Variants in MARCHF7 observed in about 807,000 individuals in gnomAD.
MARCHF7 encodes E3 ubiquitin-protein ligase MARCHF7.
MARCHF7 carries 20 observed loss-of-function variants against 76.5 expected under a neutral mutation model. The observed-to-expected ratio is 0.26, with a 90% CI of 0.18 to 0.38. The LOEUF is 0.38. Ranked by LOEUF, MARCHF7 falls within the 10% of genes least tolerant of loss-of-function variation. MARCHF7 has a pLI of 1.00. For synonymous variants in MARCHF7, 295 were observed against 293.0 expected (o/e 1.01, Z -0.07); for missense variants, 797 against 812.9 (o/e 0.98, Z 0.24).
Position 159,725,960 on chromosome 2 carries a change from T to C in MARCHF7, c.-14-3049T>C, listed in dbSNP as rs755496835. Among the ~76,000 whole-genome samples the C allele has an allele frequency of 1.3e-4, 20 of 152,198 alleles. 1 individual carries two copies. Among genetic ancestry groups the C allele is most frequent in the Non-Finnish European group, 1.8e-4 (12 of 68,032 alleles). ...CCAAGAGTAGAATCCCTTAGTCTCC[T>C]GACAGCATTGTAGAAACATGACCAC... On this transcript the variant is annotated intron_variant, in intron 3 of 11. Coordinates refer to ENST00000409175, the MANE Select transcript of MARCHF7 (RefSeq NM_001282805.2).
intron 4 of MARCHF7, among the ~76,000 whole-genome samples, chr2:159,729,554 T>C (rs1352502765): frequency 1.3e-5 from 2 of 151,922 alleles, no homozygotes; most frequent in East Asian, 3.9e-4. Context: ...ACACCTGTAA[T>C]CCCAGCTACT....
intron 9 of MARCHF7, among the ~76,000 whole-genome samples, chr2:159,761,873 A>G (rs1053812187): frequency 1.3e-5 from 2 of 152,186 alleles, no homozygotes; most frequent in African/African-American, 2.4e-5. Flanking sequence ...TAATAATACT[A>G]TATTTATGAT....
At chr2:159,754,640 A>T (rs1706065375) in intron 8 of MARCHF7, among the ~76,000 whole-genome samples, 1 of 152,140 alleles carries the variant, frequency 6.6e-6, no homozygotes, top group Non-Finnish European at 1.5e-5. Flanking sequence ...TGAGACTTCT[A>T]ACAGAAAAAA....
At chr2:159,713,700 ATAT>A (rs1476043585) in intron 1 of MARCHF7, among the ~76,000 whole-genome samples, 5 of 152,182 alleles carry the variant, frequency 3.3e-5, no homozygotes, top group Non-Finnish European at 7.4e-5. Flanking sequence ...GGTCAGTATA[ATAT>A]TTTTATTTAA....
At chr2:159,760,448 T>C (rs1706891259) in intron 9 of MARCHF7, among the ~76,000 whole-genome samples, 1 of 152,248 alleles carries the variant, frequency 6.6e-6, no homozygotes, top group African/African-American at 2.4e-5. Flanking sequence ...TTATGTTGTT[T>C]TATTCTCTGA....
At chr2:159,760,466 G>C (rs1706895582) in intron 9 of MARCHF7, among the ~76,000 whole-genome samples, 1 of 152,128 alleles carries the variant, frequency 6.6e-6, no homozygotes, top group African/African-American at 2.4e-5. Context: ...TGATGCACTA[G>C]TTGTCCAAAA....
Position 159,748,047 on chromosome 2 carries a change from A to G in MARCHF7, c.757A>G (p.Ile253Val), listed in dbSNP as rs370727541. 1.1e-5 allele frequency: 17 copies of G among 1,614,060 alleles called. No individual in the cohort carries two copies. The highest frequency in any genetic ancestry group is 6.7e-5 in the East Asian group (3 of 44,896). ...CAGTTCAAGTAGAGATGAAGCCCCA[A>G]TCATAAGCAATTCAGAAAGGGTTGT... ...SYSSSRDEAP[I>V]ISNSERVVSS... Residue 253 changes from isoleucine (I) to valine (V), a missense_variant, in exon 7 of 12, where the codon ATC (isoleucine) becomes GTC (valine). Physicochemically the swap from Ile to Val is conservative, Grantham distance 29. Around this residue, in one of 3 missense-constraint regions of MARCHF7, gnomAD observed 643 missense variants for 631.5 expected, o/e 1.02. Transcript: ENST00000409175.
chr2:159,748,066 G>T lies in MARCHF7; in HGVS notation c.776G>T (p.Arg259Met). Residue 259 changes from arginine to methionine, a missense_variant, in exon 7 of 12, where the codon AGG becomes ATG. Physicochemically the swap from Arg to Met is moderately conservative, Grantham distance 91 (BLOSUM62 -1). Around this residue, in one of 3 missense-constraint regions of MARCHF7, gnomAD observed 643 missense variants for 631.5 expected, o/e 1.02. Transcript: ENST00000409175. ...GCCCCAATCATAAGCAATTCAGAAA[G>T]GGTTGTTTCATCTCAAAGACCATTT... ...DEAPIISNSE[R>M]VVSSQRPFQE... 1 of 1,614,116 alleles carries T rather than the reference G, an allele frequency of 6.2e-7. No homozygotes were observed. Among genetic ancestry groups the T allele is most frequent in the Admixed American group, 1.7e-5 (1 of 60,008 alleles).
intron 4 of MARCHF7, among the ~76,000 whole-genome samples, chr2:159,742,710 A>G (rs1470244104): frequency 6.6e-6 from 1 of 152,116 alleles, no homozygotes; most frequent in Non-Finnish European, 1.5e-5. Context: ...CGGCCGAGGC[A>G]GGCAGATCAT....
intron 3 of MARCHF7, among the ~76,000 whole-genome samples, chr2:159,719,976 C>T (rs1260983723): frequency 3.3e-5 from 5 of 152,210 alleles, no homozygotes; most frequent in Admixed American, 2.0e-4. Flanking sequence ...AGTGGACTGC[C>T]GCTGCCTAGT....
At chr2:159,720,713 G>A (rs868403821) in intron 3 of MARCHF7, among the ~76,000 whole-genome samples, 7 of 152,228 alleles carry the variant, frequency 4.6e-5, no homozygotes, top group African/African-American at 1.4e-4. Flanking sequence ...GATTTATGTT[G>A]GCTTCTGCCA....
intron 8 of MARCHF7, among the ~76,000 whole-genome samples, chr2:159,753,683 A>G (rs1162707863): frequency 1.3e-5 from 2 of 152,216 alleles, no homozygotes; most frequent in Admixed American, 6.5e-5. Context: ...TCTTATTAAT[A>G]TTTGGCTGCT....
chr2:159,767,970 G>C lies in MARCHF7; in HGVS notation c.*628G>C, dbSNP rs1013157060. The C allele has an allele frequency of 6.6e-6, 1 of 152,348 alleles. No individual in the cohort carries two copies. The highest frequency in any genetic ancestry group is 1.5e-5 in the Non-Finnish European group (1 of 67,936). The allele number at this position is 152,348 out of a possible 1,614,324, so 9.4% of individuals were successfully genotyped here. A position where few individuals can be genotyped will look rare whatever the true frequency, so the allele number is the denominator to read the frequency against. ...TATAAATATAAAATGTATAAATGAT[G>C]GATAGATTTTTGTATTGATTTGCAA... On this transcript the variant is annotated 3_prime_UTR_variant, in exon 12 of 12. Coordinates refer to ENST00000409175, the MANE Select transcript of MARCHF7 (RefSeq NM_001282805.2).
chr2:159,747,751 A>G, intron 6 of MARCHF7, 54 bp from the exon 7 acceptor site: 5 of 1,501,848 alleles, frequency 3.3e-6, no homozygotes, highest in Non-Finnish European at 4.5e-6. Context: ...AATAAATGCA[A>G]ATAATAATGC....
chr2:159,734,952 A>T (rs1464751897), intron 4 of MARCHF7, among the ~76,000 whole-genome samples: 2 of 152,072 alleles, frequency 1.3e-5, no homozygotes, highest in Non-Finnish European at 2.9e-5. Flanking sequence ...ATTGCACTCC[A>T]GCTTGGGTGA....
At chr2:159,752,057 G>A (rs1705718693) in intron 7 of MARCHF7, among the ~76,000 whole-genome samples, 1 of 152,100 alleles carries the variant, frequency 6.6e-6, no homozygotes, top group South Asian at 2.1e-4. Flanking sequence ...AAATCTCTTA[G>A]GGGTACTTGT....
At chr2:159,748,977 T>C (rs901012298) in intron 7 of MARCHF7, 74 bp downstream of exon 7, 12 of 680,454 alleles carry the variant, frequency 1.8e-5, no homozygotes, top group South Asian at 3.8e-5. Context: ...TTTTTTCTTT[T>C]CTTTTTTTTT....
intron 8 of MARCHF7, among the ~76,000 whole-genome samples, chr2:159,758,067 C>G (rs1037955529): frequency 6.6e-6 from 1 of 152,132 alleles, no homozygotes; most frequent in South Asian, 2.1e-4. Context: ...TTTTTTGAAT[C>G]TCCAAAACCT....
intron 9 of MARCHF7, 168 bp downstream of exon 9, chr2:159,759,503 A>ATTTTTTTTTTTTTTTTTTTTTTTTT (rs5835757): frequency 3.4e-6 from 1 of 293,812 alleles, no homozygotes; most frequent in Non-Finnish European, 6.2e-6. Flanking sequence ...GAATTTCATA[A>ATTTTTTTTTTTTTTTTTTTTTTTTT]TTTTTTTTTT....
Sources: allele counts gnomAD v4.1 joint callset (sites outside exome capture counted in the v4.1 genomes callset), GRCh38; gene constraint gnomAD v4.1.1; regional missense constraint gnomAD v4.1.1; transcripts MANE v1.5; gene names NCBI Gene and HGNC (gene_info 2026-07-23, HGNC 2026-07-21).